Variants in PANK3 observed in about 807,000 individuals in gnomAD.
PANK3 encodes hPanK3.
A neutral mutation model predicts 39.4 loss-of-function variants in PANK3; 20 were observed. The ratio of observed to expected loss-of-function variants is 0.51; its 90% CI spans 0.36 to 0.74. The LOEUF (loss-of-function observed/expected upper bound fraction) is 0.74. Ranked by LOEUF, PANK3 falls within the 30% of genes least tolerant of loss-of-function variation. PANK3 has a pLI of 0.00. For synonymous variants in PANK3, 140 were observed against 157.3 expected, an observed-to-expected ratio of 0.89 and a Z score of 0.82; for missense variants, 265 against 437.0, an observed-to-expected ratio of 0.61 and a Z score of 3.51.
At chr5:168,559,275 TTAGTA>T (rs1759405010) in intron 5 of PANK3, 118 bp from the exon 6 acceptor site, 1 of 628,442 alleles carries the variant, frequency 1.6e-6, no homozygotes, top group Non-Finnish European at 2.5e-6. Context: ...CTACGCTTTA[TTAGTA>T]TAACACCTAC....
chr5:168,551,710 A>C lies in PANK3; in HGVS notation c.*5861T>G, dbSNP rs1759273641. 6.6e-6 allele frequency: 1 copy of C among 152,194 alleles called. No individual in the cohort carries two copies. Among genetic ancestry groups the C allele is most frequent in the Admixed American group, 6.5e-5 (1 of 15,278 alleles). The allele number at this position is 152,194 out of a possible 1,614,324, so 9.4% of individuals were successfully genotyped here. On this transcript the variant is annotated 3_prime_UTR_variant, in exon 7 of 7. Transcript: ENST00000239231. Reference sequence around the variant, plus strand: ...TTGTGCTGCATCATTCTGCTTATAGAAACAGTCTTTAAGGGACTGGTATTT... The same window carrying C: ...TTGTGCTGCATCATTCTGCTTATAGCAACAGTCTTTAAGGGACTGGTATTT...
chr5:168,570,727 G>GCTAA (rs1404860184), intron 1 of PANK3, among the ~76,000 whole-genome samples: 2 of 152,184 alleles, frequency 1.3e-5, no homozygotes, highest in African/African-American at 4.8e-5. Flanking sequence ...TGCACACTTA[G>GCTAA]CTAAAGAGCT....
At chr5:168,578,562 T>A (rs1759770536) in intron 1 of PANK3, 1 of 152,136 alleles carries the variant, frequency 6.6e-6, no homozygotes, top group Non-Finnish European at 1.5e-5. Context: ...AGGAAGCAAA[T>A]GAAAGTCGAC....
At chr5:168,561,820 G>A (rs562437243) in intron 4 of PANK3, among the ~76,000 whole-genome samples, 160 of 152,096 alleles carry the variant, frequency 1.1e-3, no homozygotes, top group Non-Finnish European at 1.9e-3. Context: ...ATTACAAAAT[G>A]TTTCCAAAAG....
At position 168,566,038 on chromosome 5, in the gene PANK3, T is replaced by A; in HGVS notation, c.610A>T (p.Asn204Tyr). ...CTTGTCCCAGTCACTCGTTTATAGT[T>A]GTCTTTGGAATGGACTGCTAAAATA... ...VSILAVHSKD[N>Y]YKRVTGTSLG... is the part of the protein sequence containing the mutation. Residue 204 changes from asparagine (N) to tyrosine (Y), a missense_variant, in exon 3 of 7, where the codon AAC becomes TAC. Asn to Tyr is a moderately radical substitution (Grantham distance 143). Around this residue, in one of 3 missense-constraint regions of PANK3, gnomAD observed 154 missense variants for 256.8 expected, o/e 0.60. Transcript: ENST00000239231. The A allele has an allele frequency of 6.2e-7, 1 of 1,613,280 alleles. No individual in the cohort carries two copies. The highest frequency in any genetic ancestry group is 8.5e-7 in the Non-Finnish European group (1 of 1,179,430).
At chr5:168,569,828 G>A (rs976483844) in intron 1 of PANK3, among the ~76,000 whole-genome samples, 2 of 152,000 alleles carry the variant, frequency 1.3e-5, no homozygotes, top group African/African-American at 4.8e-5. Flanking sequence ...AGGTAGGGGG[G>A]ATCGCTTGAA....
At chr5:168,557,929 G>C (rs865882957) in intron 6 of PANK3, among the ~76,000 whole-genome samples, 1 of 152,136 alleles carries the variant, frequency 6.6e-6, no homozygotes, top group African/African-American at 2.4e-5. Context: ...TGAATAGCTG[G>C]GACTATAGGC....
At chr5:168,561,741 GTTA>G (rs544518116) in intron 4 of PANK3, among the ~76,000 whole-genome samples, 108 of 152,248 alleles carry the variant, frequency 7.1e-4, no homozygotes, top group Middle Eastern at 3.4e-3. Flanking sequence ...AGCATAGTTA[GTTA>G]TTATAAGAAA....
Position 168,554,311 on chromosome 5 carries a change from T to A in PANK3, c.*3260A>T, listed in dbSNP as rs1369506777. On this transcript the variant is annotated 3_prime_UTR_variant, in exon 7 of 7. Coordinates refer to ENST00000239231, the MANE Select transcript of PANK3 (RefSeq NM_024594.4). ...ATGTACTTTAAAGAGCTTAAAAAAT[T>A]GTTTACATTACACAAGGTAAGTATC... The A allele has an allele frequency of 6.6e-6, 1 of 152,240 alleles. No homozygotes were observed. Among genetic ancestry groups the A allele is most frequent in the African/African-American group, 2.4e-5 (1 of 41,468 alleles). 9.4% of individuals were successfully genotyped at this position (152,240 alleles called of 1,614,324 possible).
chr5:168,564,406 C>T (rs1056585196), intron 3 of PANK3, among the ~76,000 whole-genome samples: 1 of 152,126 alleles, frequency 6.6e-6, no homozygotes, highest in Non-Finnish European at 1.5e-5. Context: ...TGTTAAAAAT[C>T]AGTACCATAT....
chr5:168,553,071 C>T lies in PANK3; in HGVS notation c.*4500G>A, dbSNP rs1561837654. 7.3e-6 allele frequency: 3 copies of T among 412,190 alleles called. No individual in the cohort carries two copies. Among genetic ancestry groups the T allele is most frequent in the African/African-American group, 4.2e-5 (2 of 48,134 alleles). The allele number at this position is 412,190 out of a possible 1,614,324, so 25.5% of individuals were successfully genotyped here. On this transcript the variant is annotated 3_prime_UTR_variant, in exon 7 of 7. Transcript: ENST00000239231. ...CTGAAGGATCTCATTAGTACTCTTCCTTTCTGTTAATGAGCAAAAACTTAC... is the reference window on the plus strand; with the variant it reads ...CTGAAGGATCTCATTAGTACTCTTCTTTTCTGTTAATGAGCAAAAACTTAC...
At chr5:168,572,392 A>T (rs899116749) in intron 1 of PANK3, among the ~76,000 whole-genome samples, 4 of 152,136 alleles carry the variant, frequency 2.6e-5, no homozygotes, top group African/African-American at 9.7e-5. Flanking sequence ...ACCTGGGTGC[A>T]GGCGGGCTAA....
intron 2 of PANK3, among the ~76,000 whole-genome samples, chr5:168,567,861 C>T (rs1759561847): frequency 6.6e-6 from 1 of 152,138 alleles, no homozygotes; most frequent in Non-Finnish European, 1.5e-5. Context: ...CTCAAGTGAT[C>T]CTCCCACGTC....
At position 168,551,999 on chromosome 5, in the gene PANK3, T is replaced by G. The variant is rs2113095865; in HGVS notation, c.*5572A>C. The stretch of plus-strand genomic sequence containing the variant: ...CTTTGGAAAAGATGAGTGTAGAACT[T>G]AAAAGGCACTAGTTCTACAAGTCTC... On this transcript the variant is annotated 3_prime_UTR_variant, in exon 7 of 7. Transcript: ENST00000239231. 6.6e-6 allele frequency: 1 copy of G among 151,884 alleles called. No individual in the cohort carries two copies. Among genetic ancestry groups the G allele is most frequent in the Admixed American group, 6.6e-5 (1 of 15,256 alleles). 9.4% of individuals were successfully genotyped at this position (151,884 alleles called of 1,614,324 possible). A position where few individuals can be genotyped will look rare whatever the true frequency, so the allele number is the denominator to read the frequency against.
chr5:168,558,628 G>T (rs1759391732), intron 6 of PANK3, among the ~76,000 whole-genome samples: 1 of 152,106 alleles, frequency 6.6e-6, no homozygotes, highest in Admixed American at 6.6e-5. Context: ...TGTAGTAAAT[G>T]AATACAAAAA....
In PANK3 at chr5:168,568,837, G is replaced by A. The variant is rs777736705; in HGVS notation, c.190C>T (p.Arg64Trp). Residue 64 changes from arginine (R) to tryptophan (W), a missense_variant, in exon 2 of 7, where the codon CGG (arginine) becomes TGG (tryptophan). Arg to Trp is a moderately radical substitution (Grantham distance 101, BLOSUM62 -3). Around this residue, in one of 3 missense-constraint regions of PANK3, gnomAD observed 154 missense variants for 256.8 expected, o/e 0.60. Coordinates refer to ENST00000239231, the MANE Select transcript of PANK3 (RefSeq NM_024594.4). The part of the protein sequence containing the change: ...SNVAYGSTGI[R>W]DVHLELKDLT... ...TCTTTCAGTTCAAGGTGTACATCCC[G>A]AATGCCGGTGGATCCATATGCCACG... 4 of 1,613,616 alleles carry A rather than the reference G, an allele frequency of 2.5e-6. No homozygotes were observed. The highest frequency in any genetic ancestry group is 2.7e-5 in the African/African-American group (2 of 74,762).
rs575273717 is a variant in PANK3 at position 168,562,396 on chromosome 5, C to T, written c.813-880G>A. Among the ~76,000 whole-genome samples, 64 of 152,218 alleles carry T rather than the reference C, an allele frequency of 4.2e-4. 1 individual carries two copies. The highest frequency in any genetic ancestry group is 5.9e-5 in the Non-Finnish European group (4 of 68,004). On this transcript the variant is annotated intron_variant, in intron 4 of 6. Coordinates refer to ENST00000239231, the MANE Select transcript of PANK3 (RefSeq NM_024594.4). ...GAGGCAACTAAAGGTTAAAGGCACA[C>T]AGAAATGAGAAATGAAAACATCTAT...
chr5:168,578,230 C>T (rs1289910529), intron 1 of PANK3, among the ~76,000 whole-genome samples: 1 of 152,202 alleles, frequency 6.6e-6, no homozygotes, highest in African/African-American at 2.4e-5. Context: ...GACCAAATTA[C>T]CTTACAGTTA....
intron 6 of PANK3, among the ~76,000 whole-genome samples, 195 bp from the exon 7 acceptor site, chr5:168,557,816 G>A (rs1759374318): frequency 6.6e-6 from 1 of 152,122 alleles, no homozygotes; most frequent in African/African-American, 2.4e-5. Flanking sequence ...TTTGAAATAT[G>A]TATTTTTATT....
Sources: allele counts gnomAD v4.1 joint callset (sites outside exome capture counted in the v4.1 genomes callset), GRCh38; gene constraint gnomAD v4.1.1; regional missense constraint gnomAD v4.1.1; transcripts MANE v1.5; gene names NCBI Gene and HGNC (gene_info 2026-07-23, HGNC 2026-07-21).